The following TM4SF1 variants were observed in gnomAD, a reference collection of about 807,000 sequenced individuals.
The protein encoded by TM4SF1 is transmembrane 4 L six family member 1, also known as transmembrane 4 L6 family member 1.
In TM4SF1, 20 loss-of-function variants were observed where a neutral mutation model predicts 24.5. That is an observed-to-expected ratio of 0.82 (90% CI 0.57 to 1.19). The LOEUF is 1.19. TM4SF1 is among the 50% of genes most tolerant of loss of function. The pLI is 0.00. For missense variants in TM4SF1, 258 were observed against 248.1 expected, an observed-to-expected ratio of 1.04 and a Z score of -0.27; for synonymous variants, 107 against 95.4, an observed-to-expected ratio of 1.12 and a Z score of -0.71.
intron 4 of TM4SF1, 156 bp downstream of exon 4, chr3:149,371,530 CA>C: frequency 1.3e-6 from 1 of 743,200 alleles, no homozygotes; most frequent in Non-Finnish European, 2.3e-6. Context: ...TTGTTACTGA[CA>C]GCTAAAGTGA....
intron 1 of TM4SF1, among the ~76,000 whole-genome samples, chr3:149,376,803 A>G (rs1731964815): frequency 6.6e-6 from 1 of 152,216 alleles, no homozygotes; most frequent in African/African-American, 2.4e-5. Flanking sequence ...CTTGGAAAAA[A>G]TAACACATTC....
Position 149,374,865 on chromosome 3 carries a change from G to A in TM4SF1, c.413+578C>T, listed in dbSNP as rs1731910564. On this transcript the variant is annotated intron_variant, in intron 3 of 4. Coordinates refer to ENST00000305366, the MANE Select transcript of TM4SF1 (RefSeq NM_014220.3). ...TAGTAAAATGTATTACACTTAATCA[G>A]GCAATTGTTCTGGTATAATGTATGA... Among the ~76,000 whole-genome samples, 3 of 152,210 alleles carry A rather than the reference G, an allele frequency of 2.0e-5. No individual in the cohort carries two copies. In the South Asian group the frequency reaches 6.2e-4, roughly 32 times the overall value.
At chr3:149,373,000 A>G (rs1436534355) in intron 3 of TM4SF1, among the ~76,000 whole-genome samples, 1 of 152,188 alleles carries the variant, frequency 6.6e-6, no homozygotes, top group African/African-American at 2.4e-5. Flanking sequence ...TCTCAATGCA[A>G]CAGATATGCT....
In TM4SF1 at chr3:149,371,713, A is replaced by G. The variant is rs1219239936; in HGVS notation, c.568T>C (p.Cys190Arg). 2 of 1,614,228 alleles carry G rather than the reference A, an allele frequency of 1.2e-6. No individual in the cohort carries two copies. The highest frequency in any genetic ancestry group is 1.3e-5 in the African/African-American group (1 of 75,066). Residue 190 changes from cysteine (C) to arginine (R), a missense_variant, in exon 4 of 5, where the codon TGT (cysteine) becomes CGT (arginine). By Grantham distance (180) the Cys-to-Arg change is radical. Transcript: ENST00000305366. ...TGTTGGTGAGAGCAGCAAAAGCCACATATGCCTCCAAGCACTCCATTTATT... is the reference window on the plus strand; with the variant it reads ...TGTTGGTGAGAGCAGCAAAAGCCACGTATGCCTCCAAGCACTCCATTTATT... ...QVINGVLGGI[C>R]GFCCSHQQQY...
intron 3 of TM4SF1, among the ~76,000 whole-genome samples, chr3:149,372,223 T>G (rs189847599): frequency 2.0e-5 from 3 of 152,310 alleles, no homozygotes; most frequent in East Asian, 3.9e-4. Flanking sequence ...GTAAGATTCA[T>G]GTATGTGTAG....
intron 3 of TM4SF1, among the ~76,000 whole-genome samples, chr3:149,375,044 T>C (rs1253955878): frequency 6.6e-6 from 1 of 152,084 alleles, no homozygotes; most frequent in African/African-American, 2.4e-5. Context: ...AGTCACTTCA[T>C]AGGGTTATTA....
chr3:149,369,031 ATACTT>A lies in TM4SF1; in HGVS notation c.*830_*834del, dbSNP rs1731757637. ...CTAAACAACAACAACATGGTAGTGA[ATACTT>A]TATTTTGTTGTAAACAAGTTAGTTT... On this transcript the variant is annotated 3_prime_UTR_variant, in exon 5 of 5. Coordinates refer to ENST00000305366, the MANE Select transcript of TM4SF1 (RefSeq NM_014220.3). 6.6e-6 allele frequency: 1 copy of A among 152,114 alleles called. No individual in the cohort carries two copies. Among genetic ancestry groups the A allele is most frequent in the South Asian group, 2.1e-4 (1 of 4,830 alleles). 9.4% of individuals were successfully genotyped at this position (152,114 alleles called of 1,614,324 possible).
chr3:149,370,041 G>GT, intron 4 of TM4SF1, 161 bp from the exon 5 acceptor site: 1 of 872,482 alleles, frequency 1.1e-6, no homozygotes, highest in Non-Finnish European at 1.7e-6. Context: ...CTCACAAAAT[G>GT]TTTCCTAAAC....
In TM4SF1 at chr3:149,375,786, C is replaced by G. The variant is rs959068586; in HGVS notation, c.178-17G>C. ...CAGGAGCATCTGGTTAGGAAACAAA[C>G]AAAGTCAGGTCATTGTCTTGCTCAG... On this transcript the variant is annotated splice_polypyrimidine_tract_variant and intron_variant, in intron 1 of 4. Coordinates refer to ENST00000305366, the MANE Select transcript of TM4SF1 (RefSeq NM_014220.3). 1 of 1,612,942 alleles carries G rather than the reference C, an allele frequency of 6.2e-7. No homozygotes were observed. Among genetic ancestry groups the G allele is most frequent in the African/African-American group, 1.3e-5 (1 of 75,034 alleles).
At position 149,377,645 on chromosome 3, in the gene TM4SF1, C is replaced by G; in HGVS notation, c.-98G>C. The G allele has an allele frequency of 1.3e-6, 2 of 1,510,098 alleles. No individual in the cohort carries two copies. 93.5% of individuals were successfully genotyped at this position (1,510,098 alleles called of 1,614,324 possible). A position where few individuals can be genotyped will look rare whatever the true frequency, so the allele number is the denominator to read the frequency against. ...GCCCTTCTGGTGGAGAAAGCAAACA[C>G]CACTCTCAGCCCATTCCTGCTACCT... On this transcript the variant is annotated 5_prime_UTR_variant, in exon 1 of 5. Coordinates refer to ENST00000305366, the MANE Select transcript of TM4SF1 (RefSeq NM_014220.3).
chr3:149,372,032 G>T (rs1731835569), intron 3 of TM4SF1, among the ~76,000 whole-genome samples, 165 bp from the exon 4 acceptor site: 1 of 152,130 alleles, frequency 6.6e-6, no homozygotes, highest in Non-Finnish European at 1.5e-5. Flanking sequence ...GAGGAATTTA[G>T]CCCAGATCCT....
chr3:149,374,488 C>T (rs1731901941), intron 3 of TM4SF1, among the ~76,000 whole-genome samples: 1 of 152,180 alleles, frequency 6.6e-6, no homozygotes, highest in Admixed American at 6.5e-5. Flanking sequence ...AACTCCTGCT[C>T]AAAGAAACAT....
chr3:149,375,107 A>T (rs1361819823), intron 3 of TM4SF1, among the ~76,000 whole-genome samples: 2 of 152,180 alleles, frequency 1.3e-5, no homozygotes, highest in Non-Finnish European at 2.9e-5. Flanking sequence ...TGGGAAGCTG[A>T]GGAAGGGGTA....
chr3:149,373,532 T>A (rs988875593), intron 3 of TM4SF1, among the ~76,000 whole-genome samples: 1 of 152,216 alleles, frequency 6.6e-6, no homozygotes, highest in Admixed American at 6.5e-5. Flanking sequence ...AACTTTAGAA[T>A]AGTTCATTGA....
rs201896611 is a variant in TM4SF1 at position 149,377,475 on chromosome 3, T to C, written c.73A>G (p.Asn25Asp). Reference sequence around the variant, plus strand: ...CCATTGGGAAAGTAAAGCAAAATATTAGCCGCGATGCACAGGAGGGCGAGC... The same window carrying C: ...CCATTGGGAAAGTAAAGCAAAATATCAGCCGCGATGCACAGGAGGGCGAGC... ...VGLALLCIAA[N>D]ILLYFPNGET... Residue 25 changes from asparagine (N) to aspartate (D), a missense_variant, in exon 1 of 5, where the codon AAT becomes GAT. Physicochemically the swap from Asn to Asp is conservative, Grantham distance 23. Transcript: ENST00000305366. The C allele has an allele frequency of 6.5e-5, 105 of 1,614,020 alleles. No individual in the cohort carries two copies. Among genetic ancestry groups the C allele is most frequent in the Middle Eastern group, 3.3e-4 (2 of 6,080 alleles).
intron 4 of TM4SF1, chr3:149,371,339 T>A (rs1370000648): frequency 1.3e-5 from 6 of 468,894 alleles, no homozygotes. Flanking sequence ...TGTATACTAG[T>A]TGGGAATATA....
At chr3:149,371,490 C>T in intron 4 of TM4SF1, 197 bp downstream of exon 4, 1 of 635,570 alleles carries the variant, frequency 1.6e-6, no homozygotes, top group Non-Finnish European at 2.8e-6. Context: ...AGAACTAAGA[C>T]AATCCTGTGA....
In TM4SF1 at chr3:149,371,874, G is replaced by A. The variant is rs369642056; in HGVS notation, c.414-7C>T. ...GGAGGTATCCAGAAGGTACCTGTGG[G>A]TAAAAAGAGAAACTTCTGACACACG... On this transcript the variant is annotated splice_region_variant and splice_polypyrimidine_tract_variant and intron_variant, in intron 3 of 4. Transcript: ENST00000305366. 1.4e-5 allele frequency: 23 copies of A among 1,613,354 alleles called. No homozygotes were observed. The African/African-American group carries it at 2.5e-4, about 18-fold the overall frequency.
chr3:149,377,181 A>G (rs1339105186), intron 1 of TM4SF1, among the ~76,000 whole-genome samples, 190 bp downstream of exon 1: 1 of 152,244 alleles, frequency 6.6e-6, no homozygotes, highest in Non-Finnish European at 1.5e-5. Context: ...TTGTAAAACA[A>G]CATCTCATAA....
Sources: gnomAD v4.1 joint callset for allele counts (sites outside exome capture counted in the v4.1 genomes callset) on GRCh38, gnomAD v4.1.1 for gene constraint, MANE v1.5 for transcripts, NCBI Gene and HGNC (gene_info 2026-07-23, HGNC 2026-07-21) for gene names.